Variants in ZHX3 observed in about 807,000 individuals in gnomAD.
The protein encoded by ZHX3 is zinc fingers and homeoboxes 3.
In ZHX3, 20 loss-of-function variants were observed where a neutral mutation model predicts 64.5. That is an observed-to-expected ratio of 0.31 (90% CI 0.22 to 0.45). The LOEUF (loss-of-function observed/expected upper bound fraction) is 0.45, where lower values mean the gene tolerates loss of function less well. ZHX3 is among the 20% of genes least tolerant of loss of function. ZHX3 has a pLI of 1.00. For synonymous variants in ZHX3, 423 were observed against 461.6 expected, an observed-to-expected ratio of 0.92 and a Z score of 1.07; for missense variants, 1,041 against 1,195.8, an observed-to-expected ratio of 0.87 and a Z score of 1.91.
At chr20:41,279,882 T>C (rs1324604457) in intron 1 of ZHX3, among the ~76,000 whole-genome samples, 2 of 152,162 alleles carry the variant, frequency 1.3e-5, no homozygotes, top group African/African-American at 4.8e-5. Context: ...AATTCAGAGA[T>C]AAGTGAAGCT....
intron 2 of ZHX3, among the ~76,000 whole-genome samples, chr20:41,208,642 C>A (rs2038917964): frequency 6.6e-6 from 1 of 152,098 alleles, no homozygotes; most frequent in Non-Finnish European, 1.5e-5. Flanking sequence ...AATTCAACAG[C>A]CCTTCATGCT....
intron 2 of ZHX3, among the ~76,000 whole-genome samples, chr20:41,245,873 C>T (rs2041661580): frequency 6.6e-6 from 1 of 152,192 alleles, no homozygotes; most frequent in South Asian, 2.1e-4. Context: ...TCTGGTTCCA[C>T]TTTGAGAAGC....
chr20:41,205,145 C>T (rs2038595193), intron 2 of ZHX3, 79 bp from the exon 3 acceptor site: 1 of 599,220 alleles, frequency 1.7e-6, no homozygotes, highest in African/African-American at 1.9e-5. Flanking sequence ...ACACATTCCA[C>T]TGCTTGCCTT....
At chr20:41,259,281 A>G (rs958019372) in intron 2 of ZHX3, among the ~76,000 whole-genome samples, 3 of 152,182 alleles carry the variant, frequency 2.0e-5, no homozygotes, top group African/African-American at 7.2e-5. Flanking sequence ...GAAAATGCAC[A>G]ATATATTGTA....
At chr20:41,253,653 G>A (rs1322455930) in intron 2 of ZHX3, among the ~76,000 whole-genome samples, 4 of 152,018 alleles carry the variant, frequency 2.6e-5, no homozygotes, top group East Asian at 1.9e-4. Context: ...TTTTATAGGT[G>A]TATCCATTTG....
rs148495510 is a variant in ZHX3, at chr20:41,202,120, G to A, written c.2797C>T (p.Arg933Cys). The A allele has an allele frequency of 6.4e-5, 103 of 1,613,738 alleles. No individual in the cohort carries two copies. The highest frequency in any genetic ancestry group is 1.1e-4 in the East Asian group (5 of 44,882). ...GGCTCTGAGCTGGCCTCAGGGACAC[G>A]GGGCTCCCACGACTCACTGTTCTCA... ...VSENSESWEP[R>C]VPEASSEPFD... The change falls in exon 3 of 4, where the codon CGT (arginine) becomes TGT (cysteine). Residue 933 changes from arginine to cysteine, a missense_variant. By Grantham distance (180) the Arg-to-Cys change is radical (BLOSUM62 -3). Transcript: ENST00000683867. The surrounding 1 kb of genome is among the most constrained non-coding windows in gnomAD (Gnocchi z 7.0).
At chr20:41,297,269 C>T (rs1340201259) in intron 1 of ZHX3, among the ~76,000 whole-genome samples, 1 of 152,216 alleles carries the variant, frequency 6.6e-6, no homozygotes, top group African/African-American at 2.4e-5. Flanking sequence ...AGCCTGTGTT[C>T]CCCCAATAGG....
chr20:41,196,400 TATTATATATTATA>T (rs1568795959), intron 3 of ZHX3, among the ~76,000 whole-genome samples: 4 of 22,526 alleles, frequency 1.8e-4, no homozygotes, highest in East Asian at 7.8e-3. Context: ...TATTTATATA[TATTATATATTATA>T]TATAATATAT....
intron 3 of ZHX3, among the ~76,000 whole-genome samples, chr20:41,197,666 G>A (rs1248651999): frequency 6.6e-6 from 1 of 151,666 alleles, no homozygotes; most frequent in Non-Finnish European, 1.5e-5. Flanking sequence ...CATTTAATGT[G>A]ATTACAGATC....
intron 3 of ZHX3, chr20:41,197,200 A>T (rs1429882202): frequency 6.7e-6 from 1 of 148,582 alleles, no homozygotes; most frequent in African/African-American, 2.5e-5. Flanking sequence ...TATATATATA[A>T]CATGTTATAC....
chr20:41,230,773 T>C (rs1450451933), intron 2 of ZHX3, among the ~76,000 whole-genome samples: 1 of 152,170 alleles, frequency 6.6e-6, no homozygotes, highest in Non-Finnish European at 1.5e-5. Context: ...ATTTCCCATA[T>C]ACCCACTGCC....
chr20:41,291,374 C>T (rs6129802), intron 1 of ZHX3, among the ~76,000 whole-genome samples: 37,763 of 152,010 alleles, frequency 0.25, 5,397 homozygotes, highest in East Asian at 0.69. Flanking sequence ...ATTAGGATTA[C>T]GGCAGCATCT....
chr20:41,225,011 C>T (rs1007266798), intron 2 of ZHX3, among the ~76,000 whole-genome samples: 1 of 152,188 alleles, frequency 6.6e-6, no homozygotes, highest in Admixed American at 6.5e-5. Flanking sequence ...CCACTGTTTC[C>T]GTAGCATATA....
At chr20:41,210,202 T>C (rs2039050384) in intron 2 of ZHX3, among the ~76,000 whole-genome samples, 1 of 152,156 alleles carries the variant, frequency 6.6e-6, no homozygotes, top group Non-Finnish European at 1.5e-5. Context: ...AAACAACAGG[T>C]GCTGGAGAGG....
At chr20:41,295,664 C>A (rs556396289) in intron 1 of ZHX3, among the ~76,000 whole-genome samples, 1 of 152,184 alleles carries the variant, frequency 6.6e-6, no homozygotes, top group African/African-American at 2.4e-5. Context: ...TCCTGGCTAA[C>A]ATGGTGAAAC....
intron 2 of ZHX3, among the ~76,000 whole-genome samples, chr20:41,218,181 T>C (rs2039678708): frequency 6.7e-6 from 1 of 149,868 alleles, no homozygotes; most frequent in Middle Eastern, 3.8e-3. Context: ...CAGTGGCTCA[T>C]ACCTGCAATC....
chr20:41,196,564 A>T (rs1423910747), intron 3 of ZHX3: 1 of 76,952 alleles, frequency 1.3e-5, no homozygotes, highest in Non-Finnish European at 2.4e-5. Context: ...TATTATATAT[A>T]ATATATATAA....
In ZHX3 at chr20:41,285,580, G is replaced by A. The variant is rs147967403; in HGVS notation, c.-244-16497C>T. On this transcript the variant is annotated intron_variant, in intron 1 of 3. Transcript: ENST00000683867. ...GGCATCATTGTCAAATTATTTTCAAGAGAAGTCCAGTTTAATTTACTGTAT... is the reference window on the plus strand; with the variant it reads ...GGCATCATTGTCAAATTATTTTCAAAAGAAGTCCAGTTTAATTTACTGTAT... Among the ~76,000 whole-genome samples, 340 of 152,326 alleles carry A rather than the reference G, an allele frequency of 2.2e-3. 4 individuals carry two copies. Among genetic ancestry groups the A allele is most frequent in the African/African-American group, 7.8e-3 (324 of 41,582 alleles).
At chr20:41,215,938 C>A (rs1037178442) in intron 2 of ZHX3, among the ~76,000 whole-genome samples, 2 of 138,406 alleles carry the variant, frequency 1.4e-5, no homozygotes, top group East Asian at 2.1e-4. Context: ...GGCGACAGAG[C>A]GAGACTGTCC....
Sources: gnomAD v4.1 joint callset for allele counts (sites outside exome capture counted in the v4.1 genomes callset) on GRCh38, gnomAD v4.1.1 for gene constraint, Gnocchi (gnomAD v3.1) non-coding constraint, MANE v1.5 for transcripts, NCBI Gene and HGNC (gene_info 2026-07-23, HGNC 2026-07-21) for gene names.